Variants in OSBP2 observed in about 807,000 individuals in gnomAD.
OSBP2 encodes the protein oxysterol binding protein 2.
In OSBP2, 66 loss-of-function variants were observed where a neutral mutation model predicts 96.0. The observed-to-expected ratio is 0.69, with a 90% CI of 0.56 to 0.84. OSBP2 has a LOEUF of 0.84. Ranked by LOEUF, OSBP2 falls within the 40% of genes least tolerant of loss-of-function variation. The pLI, the probability that OSBP2 is intolerant of heterozygous loss-of-function variation, is 0.00. For missense variants in OSBP2, 1,038 were observed against 1,222.7 expected, an observed-to-expected ratio of 0.85 and a Z score of 2.25; for synonymous variants, 525 against 520.9, an observed-to-expected ratio of 1.01 and a Z score of -0.11.
intron 1 of OSBP2, among the ~76,000 whole-genome samples, chr22:30,711,224 A>G (rs375106957): frequency 1.5e-5 from 2 of 130,950 alleles, no homozygotes; most frequent in Admixed American, 7.7e-5. Flanking sequence ...ATATATATAT[A>G]TTTATGTGTG....
rs1020337130 is a variant in OSBP2 at position 30,880,707 on chromosome 22, C to T, written c.1108-6719C>T. Reference sequence around the variant, plus strand: ...CCTCACACCTTGCTCTCCCGCCTGGCCTGGGGAGCAGTGAGATCACTGTCA... The same window carrying T: ...CCTCACACCTTGCTCTCCCGCCTGGTCTGGGGAGCAGTGAGATCACTGTCA... On this transcript the variant is annotated intron_variant, in intron 3 of 13. Coordinates refer to ENST00000332585, the MANE Select transcript of OSBP2 (RefSeq NM_030758.4). 2.0e-5 allele frequency among the ~76,000 whole-genome samples: 3 copies of T among 152,172 alleles called. 1 individual carries two copies. Among genetic ancestry groups the T allele is most frequent in the African/African-American group, 7.2e-5 (3 of 41,440 alleles).
intron 1 of OSBP2, among the ~76,000 whole-genome samples, chr22:30,706,800 A>G (rs1426299267): frequency 1.3e-5 from 2 of 152,170 alleles, no homozygotes; most frequent in East Asian, 1.9e-4. Context: ...CCCCTCAGCC[A>G]GAAGGACCCC....
chr22:30,851,401 A>C (rs2038975445), intron 2 of OSBP2, among the ~76,000 whole-genome samples: 1 of 152,188 alleles, frequency 6.6e-6, no homozygotes, highest in African/African-American at 2.4e-5. Flanking sequence ...GTTCATTGCT[A>C]GTATTTCAGA....
intron 2 of OSBP2, among the ~76,000 whole-genome samples, chr22:30,768,024 G>C (rs1404014425): frequency 6.6e-6 from 1 of 152,152 alleles, no homozygotes; most frequent in Non-Finnish European, 1.5e-5. Context: ...ATTTAGATGT[G>C]ACCCTATGAC....
chr22:30,740,767 G>A (rs1297792770), intron 1 of OSBP2, among the ~76,000 whole-genome samples: 1 of 152,152 alleles, frequency 6.6e-6, no homozygotes, highest in Non-Finnish European at 1.5e-5. Context: ...GTGAGCCACC[G>A]CGCCTGGCCC....
intron 1 of OSBP2, among the ~76,000 whole-genome samples, chr22:30,730,821 TTTCC>T (rs2089767096): frequency 1.5e-5 from 2 of 130,310 alleles, no homozygotes; most frequent in African/African-American, 2.8e-5. Flanking sequence ...TTTTTTTTTT[TTTCC>T]CATGGACATT....
At chr22:30,868,048 C>T (rs2039381333) in intron 2 of OSBP2, among the ~76,000 whole-genome samples, 1 of 152,268 alleles carries the variant, frequency 6.6e-6, no homozygotes, top group African/African-American at 2.4e-5. Context: ...TTCCTCACCT[C>T]ATGGCCCTGG....
At chr22:30,842,397 A>T (rs2038771544) in intron 2 of OSBP2, among the ~76,000 whole-genome samples, 1 of 152,082 alleles carries the variant, frequency 6.6e-6, no homozygotes, top group Admixed American at 6.5e-5. Flanking sequence ...CTTGATGTTG[A>T]TGGCTGGTGA....
At position 30,906,715 on chromosome 22, in the gene OSBP2, G is replaced by GA. The variant is rs2040344554; in HGVS notation, c.*381dup. On this transcript the variant is annotated 3_prime_UTR_variant, in exon 14 of 14. Coordinates refer to ENST00000332585, the MANE Select transcript of OSBP2 (RefSeq NM_030758.4). Reference sequence around the variant, plus strand: ...CTAGGGAGCCTCTTCGACTTTTTTAGAAAAATGATCTCCATTTCTTTCCAG... The same window carrying GA: ...CTAGGGAGCCTCTTCGACTTTTTTAGAAAAAATGATCTCCATTTCTTTCCAG... The GA allele has an allele frequency of 5.4e-6, 1 of 184,940 alleles. No individual in the cohort carries two copies. The highest frequency in any genetic ancestry group is 1.1e-5 in the Non-Finnish European group (1 of 89,896). 11.5% of individuals were successfully genotyped at this position (184,940 alleles called of 1,614,324 possible).
chr22:30,898,712 C>T (rs2040119890), intron 12 of OSBP2, among the ~76,000 whole-genome samples: 1 of 152,016 alleles, frequency 6.6e-6, no homozygotes, highest in Non-Finnish European at 1.5e-5. Context: ...CCTCCCCTGA[C>T]ATGTGGGGAT....
intron 1 of OSBP2, 80 bp from the exon 2 acceptor site, chr22:30,741,081 G>A (rs2145739554): frequency 9.0e-7 from 1 of 1,117,046 alleles, no homozygotes; most frequent in East Asian, 2.5e-5. Context: ...GAGATTCTGA[G>A]GATTTGCCTG....
At chr22:30,798,626 C>T (rs2090799835) in intron 2 of OSBP2, among the ~76,000 whole-genome samples, 1 of 152,188 alleles carries the variant, frequency 6.6e-6, no homozygotes, top group South Asian at 2.1e-4. Context: ...GGTTTGATTT[C>T]ATTCTTCAGT....
At chr22:30,718,718 G>A (rs768916922) in intron 1 of OSBP2, among the ~76,000 whole-genome samples, 115 of 152,218 alleles carry the variant, frequency 7.6e-4, no homozygotes, top group Non-Finnish European at 1.2e-3. Flanking sequence ...CGGAGTTGCA[G>A]TGACAACATC....
chr22:30,871,899 A>G lies in OSBP2; in HGVS notation c.1107+1217A>G, dbSNP rs1484099865. 6.6e-6 allele frequency among the ~76,000 whole-genome samples: 1 copy of G among 152,242 alleles called. No homozygotes were observed. Among genetic ancestry groups the G allele is most frequent in the African/African-American group, 2.4e-5 (1 of 41,474 alleles). ...GCCACCCCACCACCCACACCTGCCC[A>G]GATATGCTCAGGCTCAGGCCTGGAG... On this transcript the variant is annotated intron_variant, in intron 3 of 13. Transcript: ENST00000332585. This position sits in a 1 kb window ranked among gnomAD's most constrained non-coding sequence, Gnocchi z 4.7.
intron 2 of OSBP2, among the ~76,000 whole-genome samples, chr22:30,743,710 C>A (rs144316963): frequency 6.6e-6 from 1 of 152,146 alleles, no homozygotes; most frequent in African/African-American, 2.4e-5. Flanking sequence ...TGATAAATTG[C>A]CTTATTTTTT....
intron 2 of OSBP2, among the ~76,000 whole-genome samples, chr22:30,748,017 C>T (rs895023991): frequency 3.3e-5 from 5 of 150,948 alleles, no homozygotes; most frequent in African/African-American, 7.3e-5. Context: ...GCTGGGACTA[C>T]AGGCACCCAC....
intron 12 of OSBP2, among the ~76,000 whole-genome samples, chr22:30,901,369 C>G (rs1033162581): frequency 6.6e-6 from 1 of 151,858 alleles, no homozygotes; most frequent in Non-Finnish European, 1.5e-5. Context: ...ATGCCCAGCC[C>G]ACATAAAGAA....
In OSBP2 at chr22:30,905,827, A is replaced by G. The variant is rs746764876; in HGVS notation, c.2376-10A>G. The G allele has an allele frequency of 1.2e-5, 19 of 1,612,110 alleles. No individual in the cohort carries two copies. In the East Asian group the frequency reaches 4.2e-4, roughly 36 times the overall value. Reference sequence around the variant, plus strand: ...CGCAGCCACCGCCACCGCCACCACCACCGCCACAGGGAGAACGCGGAGAAC... The same window carrying G: ...CGCAGCCACCGCCACCGCCACCACCGCCGCCACAGGGAGAACGCGGAGAAC... On this transcript the variant is annotated splice_polypyrimidine_tract_variant and intron_variant, in intron 12 of 13. Coordinates refer to ENST00000332585, the MANE Select transcript of OSBP2 (RefSeq NM_030758.4).
chr22:30,739,188 C>T (rs1472497905), intron 1 of OSBP2, among the ~76,000 whole-genome samples: 1 of 152,188 alleles, frequency 6.6e-6, no homozygotes, highest in Non-Finnish European at 1.5e-5. Context: ...CTTTAGTCAC[C>T]TACCCTCCCC....
Sources: gnomAD v4.1 joint callset for allele counts (sites outside exome capture counted in the v4.1 genomes callset) on GRCh38, gnomAD v4.1.1 for gene constraint, Gnocchi (gnomAD v3.1) non-coding constraint, MANE v1.5 for transcripts, NCBI Gene and HGNC (gene_info 2026-07-23, HGNC 2026-07-21) for gene names.